The following IQGAP2 variants were observed in gnomAD, a reference collection of about 807,000 sequenced individuals.
IQGAP2 encodes the protein IQ motif containing GTPase activating protein 2, also known as ras GTPase-activating-like protein IQGAP2.
In IQGAP2, 173 loss-of-function variants were observed where a neutral mutation model predicts 201.3. The observed-to-expected ratio is 0.86, with a 90% CI of 0.76 to 0.98. The LOEUF (loss-of-function observed/expected upper bound fraction) is 0.98. Among genes scored for constraint, IQGAP2 ranks in the 50% least tolerant of loss-of-function variants. The pLI is 0.00. For synonymous variants in IQGAP2, 675 were observed against 673.9 expected (o/e 1.00, Z -0.03); for missense variants, 1,687 against 1,864.8 (o/e 0.90, Z 1.76).
chr5:76,557,157 T>C (rs1744007676), intron 2 of IQGAP2, among the ~76,000 whole-genome samples: 1 of 152,204 alleles, frequency 6.6e-6, no homozygotes, highest in Non-Finnish European at 1.5e-5. Context: ...GCTAGAGGAT[T>C]CAGTTTGGTG....
intron 13 of IQGAP2, chr5:76,615,536 A>G (rs779408725): frequency 6.6e-6 from 1 of 152,228 alleles, no homozygotes; most frequent in Non-Finnish European, 1.5e-5. Context: ...TATACAGTCA[A>G]GGCAGATTCG....
At chr5:76,600,586 T>G (rs1747362845) in intron 10 of IQGAP2, among the ~76,000 whole-genome samples, 1 of 152,186 alleles carries the variant, frequency 6.6e-6, no homozygotes, top group South Asian at 2.1e-4. Context: ...TCGTAACTTT[T>G]CATTGTAATC....
At chr5:76,642,969 T>C (rs532540534) in intron 17 of IQGAP2, among the ~76,000 whole-genome samples, 1 of 152,232 alleles carries the variant, frequency 6.6e-6, no homozygotes, top group East Asian at 1.9e-4. Flanking sequence ...TACATAGCCA[T>C]ATTATTTTTG....
intron 2 of IQGAP2, among the ~76,000 whole-genome samples, chr5:76,513,241 G>A (rs1239000257): frequency 6.6e-6 from 1 of 152,122 alleles, no homozygotes; most frequent in African/African-American, 2.4e-5. Context: ...TATTATCACA[G>A]TCAGTCCTTA....
intron 32 of IQGAP2, among the ~76,000 whole-genome samples, chr5:76,695,969 T>C (rs1746699429): frequency 6.6e-6 from 1 of 151,204 alleles, no homozygotes; most frequent in Non-Finnish European, 1.5e-5. Flanking sequence ...GCCTCCTGAG[T>C]AGCTGGGACT....
chr5:76,422,974 A>G (rs184029201), intron 1 of IQGAP2, among the ~76,000 whole-genome samples: 3 of 152,338 alleles, frequency 2.0e-5, no homozygotes, highest in Admixed American at 1.3e-4. Flanking sequence ...TGCCCAAGGT[A>G]CAGCTAGTAA....
chr5:76,637,622 G>T (rs917725152), intron 16 of IQGAP2, among the ~76,000 whole-genome samples: 1 of 152,170 alleles, frequency 6.6e-6, no homozygotes, highest in Non-Finnish European at 1.5e-5. Context: ...GCCACACATG[G>T]CCCCAGCCAT....
intron 2 of IQGAP2, among the ~76,000 whole-genome samples, chr5:76,556,410 C>T (rs553573591): frequency 6.6e-6 from 1 of 152,312 alleles, no homozygotes; most frequent in East Asian, 1.9e-4. Context: ...CCTGTGCAAG[C>T]TCCCAGCTTG....
At chr5:76,525,680 T>C (rs1287894683) in intron 2 of IQGAP2, among the ~76,000 whole-genome samples, 4 of 152,220 alleles carry the variant, frequency 2.6e-5, no homozygotes, top group Admixed American at 6.5e-5. Flanking sequence ...AGAATATTTT[T>C]AAATGCATAA....
intron 14 of IQGAP2, among the ~76,000 whole-genome samples, chr5:76,629,247 A>G (rs1750501389): frequency 6.6e-6 from 1 of 152,206 alleles, no homozygotes; most frequent in Non-Finnish European, 1.5e-5. Context: ...AGTTAATGCT[A>G]CCTATGAGAA....
chr5:76,635,629 C>T (rs1445489682), intron 15 of IQGAP2, among the ~76,000 whole-genome samples: 2 of 152,008 alleles, frequency 1.3e-5, no homozygotes, highest in African/African-American at 2.4e-5. Flanking sequence ...GATTGCTTGA[C>T]CCCAGGAGTT....
intron 2 of IQGAP2, among the ~76,000 whole-genome samples, chr5:76,491,685 G>A (rs77075951): frequency 0.016 from 2,473 of 152,146 alleles, 66 homozygotes; most frequent in African/African-American, 0.057. Flanking sequence ...TCTGATAGCC[G>A]TCAGCAAATA....
At chr5:76,410,829 A>G (rs919505388) in intron 1 of IQGAP2, among the ~76,000 whole-genome samples, 1 of 152,188 alleles carries the variant, frequency 6.6e-6, no homozygotes, top group Non-Finnish European at 1.5e-5. Flanking sequence ...CTGTGTTTCC[A>G]ATTCATTGGC....
chr5:76,567,244 A>C (rs1744814620), intron 3 of IQGAP2, among the ~76,000 whole-genome samples: 1 of 152,140 alleles, frequency 6.6e-6, no homozygotes, highest in African/African-American at 2.4e-5. Flanking sequence ...TAATCCAAAA[A>C]TCCAAGGTGT....
intron 20 of IQGAP2, 116 bp from the exon 21 acceptor site, chr5:76,658,343 G>A: frequency 1.2e-6 from 1 of 846,650 alleles, no homozygotes; most frequent in Non-Finnish European, 1.9e-6. Context: ...TCTCACCCTA[G>A]ACCAAGTACT....
chr5:76,558,269 T>C (rs1309665685), intron 2 of IQGAP2, among the ~76,000 whole-genome samples: 3 of 152,266 alleles, frequency 2.0e-5, no homozygotes, highest in East Asian at 3.9e-4. Flanking sequence ...CCCCCTACTC[T>C]TGCTACCAAT....
At position 76,683,819 on chromosome 5, in the gene IQGAP2, A is replaced by T. The variant is rs1315328129; in HGVS notation, c.3807A>T (p.Thr1269=). 3 of 1,613,672 alleles carry T rather than the reference A, an allele frequency of 1.9e-6. No individual in the cohort carries two copies. Among genetic ancestry groups the T allele is most frequent in the Non-Finnish European group, 8.5e-7 (1 of 1,179,820 alleles). Residue 1269 remains threonine (T), a synonymous_variant, in exon 30 of 36, where the codon ACA becomes ACT. Transcript: ENST00000274364. Reference sequence around the variant, plus strand: ...CCAATGACCCTAACAAGGCAAATACACTAAGTCAGCTTTCAAAGACCGAGA... The same window carrying T: ...CCAATGACCCTAACAAGGCAAATACTCTAAGTCAGCTTTCAAAGACCGAGA... ...VDPNDPNKAN[T]LSQLSKTEIS...
chr5:76,449,436 A>G (rs1056182852), intron 1 of IQGAP2, among the ~76,000 whole-genome samples: 1 of 152,144 alleles, frequency 6.6e-6, no homozygotes, highest in Admixed American at 6.5e-5. Context: ...CTCCTGTTAG[A>G]TTGTAAACTG....
chr5:76,531,487 C>T (rs1385410261), intron 2 of IQGAP2, among the ~76,000 whole-genome samples: 1 of 152,060 alleles, frequency 6.6e-6, no homozygotes, highest in Non-Finnish European at 1.5e-5. Context: ...CTAGCTCAAG[C>T]TCTTTTGATA....
Sources: gnomAD v4.1 joint callset for allele counts (sites outside exome capture counted in the v4.1 genomes callset) on GRCh38, gnomAD v4.1.1 for gene constraint, MANE v1.5 for transcripts, NCBI Gene and HGNC (gene_info 2026-07-23, HGNC 2026-07-21) for gene names.